FSTL5: variants seen among roughly 807,000 people sequenced by gnomAD.
The protein encoded by FSTL5 is follistatin-related protein 5.
A neutral mutation model predicts 89.1 loss-of-function variants in FSTL5; 62 were observed. That is an observed-to-expected ratio of 0.70 (90% CI 0.57 to 0.86). The LOEUF is 0.86. Ranked by LOEUF, FSTL5 falls within the 40% of genes least tolerant of loss-of-function variation. FSTL5 has a pLI of 0.00. For synonymous variants in FSTL5, 383 were observed against 346.2 expected, an observed-to-expected ratio of 1.11 and a Z score of -1.18; for missense variants, 1,057 against 1,001.6, an observed-to-expected ratio of 1.06 and a Z score of -0.75.
intron 3 of FSTL5, among the ~76,000 whole-genome samples, chr4:161,999,519 T>C (rs1281282457): frequency 6.6e-6 from 1 of 152,154 alleles, no homozygotes; most frequent in Non-Finnish European, 1.5e-5. Flanking sequence ...AAATCTCTTT[T>C]TAATTGACTA....
intron 7 of FSTL5, among the ~76,000 whole-genome samples, chr4:161,597,396 G>C (rs192611945): frequency 7.4e-4 from 108 of 146,056 alleles, no homozygotes; most frequent in African/African-American, 2.2e-3. Context: ...ACCAAACACC[G>C]CATGTTCTCA....
chr4:161,902,168 A>G (rs1028755270), intron 4 of FSTL5, among the ~76,000 whole-genome samples: 4 of 152,162 alleles, frequency 2.6e-5, no homozygotes, highest in Non-Finnish European at 5.9e-5. Flanking sequence ...AATTACTTTA[A>G]TGAAGACTGT....
chr4:161,691,803 T>C lies in FSTL5; in HGVS notation c.728-35309A>G, dbSNP rs550953682. Reference sequence around the variant, plus strand: ...CTATCATGAATGGAATTCTCTTATTTCCTTTGAGGACTGCTCATTGGTGGT... The same window carrying C: ...CTATCATGAATGGAATTCTCTTATTCCCTTTGAGGACTGCTCATTGGTGGT... On this transcript the variant is annotated intron_variant, in intron 6 of 15. Transcript: ENST00000306100. Among the ~76,000 whole-genome samples, 12 of 152,274 alleles carry C rather than the reference T, an allele frequency of 7.9e-5. No individual in the cohort carries two copies. In the South Asian group the frequency reaches 2.5e-3, roughly 32 times the overall value.
At chr4:162,162,846 G>A (rs759832730) in intron 1 of FSTL5, among the ~76,000 whole-genome samples, 1 of 152,106 alleles carries the variant, frequency 6.6e-6, no homozygotes, top group Admixed American at 6.6e-5. Context: ...CAGCACAAGC[G>A]ACTATAATAC....
intron 7 of FSTL5, among the ~76,000 whole-genome samples, chr4:161,645,941 T>G (rs1736139930): frequency 6.6e-6 from 1 of 151,832 alleles, no homozygotes; most frequent in Non-Finnish European, 1.5e-5. Context: ...AAGTGCATTA[T>G]TTATAGTCTA....
chr4:161,613,327 G>A (rs567573670), intron 7 of FSTL5, among the ~76,000 whole-genome samples: 1 of 151,876 alleles, frequency 6.6e-6, no homozygotes, highest in South Asian at 2.1e-4. Context: ...GGCGCACGCC[G>A]GTAGTCACAG....
At chr4:161,620,510 G>A (rs893912608) in intron 7 of FSTL5, among the ~76,000 whole-genome samples, 5 of 152,024 alleles carry the variant, frequency 3.3e-5, no homozygotes, top group African/African-American at 1.2e-4. Flanking sequence ...CAAAAAATTA[G>A]CCGGGCGCGG....
chr4:161,749,565 A>C (rs1024374842), intron 6 of FSTL5, among the ~76,000 whole-genome samples: 12 of 152,120 alleles, frequency 7.9e-5, no homozygotes, highest in Non-Finnish European at 1.6e-4. Flanking sequence ...CGGGAGGCTG[A>C]GGCGGGCGGA....
At chr4:161,960,358 T>G (rs1406172329) in intron 3 of FSTL5, among the ~76,000 whole-genome samples, 3 of 151,542 alleles carry the variant, frequency 2.0e-5, no homozygotes, top group Non-Finnish European at 2.9e-5. Flanking sequence ...ATATTTTTAG[T>G]AGAGATGAGG....
chr4:162,088,610 T>G (rs1730415816), intron 2 of FSTL5, among the ~76,000 whole-genome samples: 1 of 152,116 alleles, frequency 6.6e-6, no homozygotes, highest in Admixed American at 6.6e-5. Context: ...TCAAAATACA[T>G]AACTGTAAGT....
chr4:161,814,055 A>G (rs926317112), intron 4 of FSTL5, among the ~76,000 whole-genome samples: 3 of 152,140 alleles, frequency 2.0e-5, no homozygotes, highest in African/African-American at 7.2e-5. Context: ...AGAAAATGCA[A>G]ATGCCATTAA....
chr4:161,815,721 T>C (rs1445260066), intron 4 of FSTL5, among the ~76,000 whole-genome samples: 1 of 152,138 alleles, frequency 6.6e-6, no homozygotes, highest in Non-Finnish European at 1.5e-5. Flanking sequence ...TACACATTAC[T>C]AAAAGGTAGA....
intron 7 of FSTL5, among the ~76,000 whole-genome samples, chr4:161,607,935 T>G (rs973827986): frequency 6.6e-6 from 1 of 152,190 alleles, no homozygotes; most frequent in Non-Finnish European, 1.5e-5. Context: ...AAAGAAGTGT[T>G]GTTGTTGCTT....
chr4:161,855,426 T>C (rs553372932), intron 4 of FSTL5, among the ~76,000 whole-genome samples: 1 of 152,216 alleles, frequency 6.6e-6, no homozygotes, highest in South Asian at 2.1e-4. Flanking sequence ...AATGTCAGTG[T>C]TCTTGTTTGC....
rs571877451 is a variant in FSTL5, at chr4:161,481,423, A to AT, written c.1459-255dup. On this transcript the variant is annotated intron_variant, in intron 12 of 15. Coordinates refer to ENST00000306100, the MANE Select transcript of FSTL5 (RefSeq NM_020116.5). ...TTTTCTAGTAAAATGTAGTTCTTTC[A>AT]TTTTTTTTCCTACTTGGTTATAACT... Among the ~76,000 whole-genome samples the AT allele has an allele frequency of 1.3e-4, 19 of 151,912 alleles. No homozygotes were observed. The East Asian group carries it at 2.7e-3, about 22-fold the overall frequency.
chr4:161,405,028 C>T (rs1165825046), intron 15 of FSTL5, among the ~76,000 whole-genome samples: 4 of 151,960 alleles, frequency 2.6e-5, no homozygotes, highest in African/African-American at 7.2e-5. Context: ...GTCAAGAGTT[C>T]GAGACCAACC....
At chr4:161,424,778 C>G (rs1732115038) in intron 15 of FSTL5, among the ~76,000 whole-genome samples, 1 of 152,168 alleles carries the variant, frequency 6.6e-6, no homozygotes, top group Non-Finnish European at 1.5e-5. Context: ...AATGAAGTCA[C>G]TTATACTAAA....
At chr4:161,812,609 T>C (rs1730188848) in intron 4 of FSTL5, among the ~76,000 whole-genome samples, 1 of 152,066 alleles carries the variant, frequency 6.6e-6, no homozygotes, top group African/African-American at 2.4e-5. Flanking sequence ...TTTAAAGTAG[T>C]GTTTGGCACA....
intron 15 of FSTL5, among the ~76,000 whole-genome samples, chr4:161,388,601 G>A (rs190026205): frequency 6.6e-6 from 1 of 152,164 alleles, no homozygotes; most frequent in African/African-American, 2.4e-5. Flanking sequence ...CATTAAGGAT[G>A]TATAGGTGTG....
Sources: allele counts gnomAD v4.1 joint callset (sites outside exome capture counted in the v4.1 genomes callset), GRCh38; gene constraint gnomAD v4.1.1; transcripts MANE v1.5; gene names NCBI Gene and HGNC (gene_info 2026-07-23, HGNC 2026-07-21).